Variants in KANK1 observed in about 807,000 individuals in gnomAD.
KANK1 encodes the protein KN motif and ankyrin repeat domain-containing protein 1.
In KANK1, 109 loss-of-function variants were observed where a neutral mutation model predicts 106.2. The observed-to-expected ratio is 1.03, with a 90% CI of 0.88 to 1.20. The LOEUF (loss-of-function observed/expected upper bound fraction) is 1.20, where lower values mean the gene tolerates loss of function less well. Ranked by LOEUF, KANK1 falls within the 50% of genes most tolerant of loss-of-function variation. KANK1 has a pLI of 0.00. For missense variants in KANK1, 2,399 were observed against 1,710.7 expected, an observed-to-expected ratio of 1.40 and a Z score of -7.10; for synonymous variants, 873 against 652.2, an observed-to-expected ratio of 1.34 and a Z score of -5.16.
intron 3 of KANK1, among the ~76,000 whole-genome samples, chr9:473,890 G>A (rs1036230776): frequency 1.3e-5 from 2 of 152,142 alleles, no homozygotes; most frequent in African/African-American, 4.8e-5. Flanking sequence ...AGTAGAGACA[G>A]GGTTTCACCA....
At chr9:487,439 AG>A (rs2058311685) in intron 3 of KANK1, among the ~76,000 whole-genome samples, 1 of 152,204 alleles carries the variant, frequency 6.6e-6, no homozygotes, top group Non-Finnish European at 1.5e-5. Flanking sequence ...GATGTTTGGT[AG>A]GTTAGATGTA....
chr9:590,917 C>G (rs1282112840), intron 1 of KANK1, among the ~76,000 whole-genome samples: 1 of 151,734 alleles, frequency 6.6e-6, no homozygotes, highest in Non-Finnish European at 1.5e-5. Flanking sequence ...TACACATTGC[C>G]TGGAAGACTG....
chr9:712,145 A>G lies in KANK1; in HGVS notation c.1379A>G (p.Gln460Arg), dbSNP rs1170334406. Residue 460 changes from glutamine (Q) to arginine (R), a missense_variant, in exon 3 of 12, where the codon CAG (glutamine) becomes CGG (arginine). Coordinates refer to ENST00000382297, the MANE Select transcript of KANK1 (RefSeq NM_015158.5). ...GACAAAGAAATTGAGCTGCAACAGC[A>G]GACCATAGAATCCTTGAAGGAAAAG... is the stretch of plus-strand genomic sequence containing the variant. ...EADKEIELQQ[Q>R]TIESLKEKIY... 1 of 1,614,028 alleles carries G rather than the reference A, an allele frequency of 6.2e-7. No individual in the cohort carries two copies. Among genetic ancestry groups the G allele is most frequent in the South Asian group, 1.1e-5 (1 of 91,092 alleles).
rs1410945064 is a variant in KANK1, at chr9:639,509, G to T, written c.-83-37381G>T. Among the ~76,000 whole-genome samples, 3 of 151,886 alleles carry T rather than the reference G, an allele frequency of 2.0e-5. No homozygotes were observed. In the East Asian group the frequency reaches 5.8e-4, roughly 29 times the overall value. On this transcript the variant is annotated intron_variant, in intron 1 of 11. Coordinates refer to ENST00000382297, the MANE Select transcript of KANK1 (RefSeq NM_015158.5). ...TTTTTGTATTCTTAGTAGAGACAGG[G>T]TTTCACCATGTTGGCCAGGCTGGTC...
chr9:487,536 T>C (rs2058313340), intron 3 of KANK1, among the ~76,000 whole-genome samples: 1 of 152,160 alleles, frequency 6.6e-6, no homozygotes, highest in South Asian at 2.1e-4. Flanking sequence ...TATCAGTACC[T>C]CAGATATATT....
chr9:567,606 A>G (rs1463951965), intron 1 of KANK1, among the ~76,000 whole-genome samples: 1 of 152,226 alleles, frequency 6.6e-6, no homozygotes, highest in Non-Finnish European at 1.5e-5. Context: ...GAGCCAGCAA[A>G]GAGAACTTTT....
chr9:650,022 G>A (rs764991319), intron 1 of KANK1, among the ~76,000 whole-genome samples: 4 of 152,262 alleles, frequency 2.6e-5, no homozygotes, highest in African/African-American at 4.8e-5. Context: ...GTGCTACTTC[G>A]TAAGACTGCT....
At chr9:565,351 C>A (rs1275457728) in intron 1 of KANK1, among the ~76,000 whole-genome samples, 1 of 152,184 alleles carries the variant, frequency 6.6e-6, no homozygotes, top group Non-Finnish European at 1.5e-5. Context: ...CCCATTCTAC[C>A]TTGTGCAGAC....
intron 1 of KANK1, among the ~76,000 whole-genome samples, chr9:589,598 A>G (rs572694967): frequency 6.6e-6 from 1 of 152,182 alleles, no homozygotes; most frequent in African/African-American, 2.4e-5. Context: ...TGAATAGATC[A>G]GGGTGGAGGG....
At chr9:701,068 C>G (rs764518642) in intron 2 of KANK1, among the ~76,000 whole-genome samples, 1 of 152,062 alleles carries the variant, frequency 6.6e-6, no homozygotes, top group East Asian at 1.9e-4. Flanking sequence ...ATCACTTGAG[C>G]ACTTGAGCGT....
At chr9:666,088 A>G (rs1844493524) in intron 1 of KANK1, among the ~76,000 whole-genome samples, 1 of 151,200 alleles carries the variant, frequency 6.6e-6, no homozygotes, top group African/African-American at 2.4e-5. Context: ...GGCTGAAGTC[A>G]GAGGATCGCT....
chr9:515,511 AAGAAC>A (rs1213475179), intron 1 of KANK1, among the ~76,000 whole-genome samples: 3 of 151,814 alleles, frequency 2.0e-5, no homozygotes, highest in Admixed American at 2.0e-4. Context: ...TAAAAATTTA[AAGAAC>A]AGAAGTTTAT....
At chr9:542,823 A>G (rs1285382030) in intron 1 of KANK1, among the ~76,000 whole-genome samples, 1 of 144,554 alleles carries the variant, frequency 6.9e-6, no homozygotes, top group Non-Finnish European at 1.5e-5. Flanking sequence ...TCTCACTTAT[A>G]TGTGGTATCC....
intron 4 of KANK1, 189 bp downstream of exon 4, chr9:730,437 A>G: frequency 1.6e-6 from 1 of 627,462 alleles, no homozygotes; most frequent in Middle Eastern, 4.5e-4. Flanking sequence ...CACACCTGTG[A>G]TCCCAGCACT....
intron 1 of KANK1, among the ~76,000 whole-genome samples, chr9:514,163 CCTCT>C (rs1456047481): frequency 1.3e-5 from 1 of 77,568 alleles, no homozygotes; most frequent in Non-Finnish European, 2.2e-5. Flanking sequence ...TCCCTCCCTT[CCTCT>C]CTCCCTCCCT....
At chr9:645,126 C>CAAAAAA (rs56391632) in intron 1 of KANK1, among the ~76,000 whole-genome samples, 11 of 71,076 alleles carry the variant, frequency 1.5e-4, no homozygotes, top group Admixed American at 3.9e-4. Context: ...TCCATCTCTA[C>CAAAAAA]AAAAAAAAAA....
intron 10 of KANK1, among the ~76,000 whole-genome samples, chr9:744,149 C>G (rs187331017): frequency 1.8e-3 from 280 of 151,964 alleles, no homozygotes; most frequent in African/African-American, 6.3e-3. Flanking sequence ...TGCAGAGTCT[C>G]TAAACACACA....
At chr9:620,680 C>T (rs950555502) in intron 1 of KANK1, among the ~76,000 whole-genome samples, 3 of 152,120 alleles carry the variant, frequency 2.0e-5, no homozygotes, top group African/African-American at 7.2e-5. Context: ...GCTGGGATTA[C>T]AGGCGTGAGC....
intron 1 of KANK1, among the ~76,000 whole-genome samples, chr9:632,846 C>T (rs998578633): frequency 2.6e-5 from 4 of 152,064 alleles, no homozygotes; most frequent in African/African-American, 9.7e-5. Context: ...TGCGCCACCG[C>T]ACCCGGCTAA....
Sources: gnomAD v4.1 joint callset for allele counts (sites outside exome capture counted in the v4.1 genomes callset) on GRCh38, gnomAD v4.1.1 for gene constraint, MANE v1.5 for transcripts, NCBI Gene and HGNC (gene_info 2026-07-23, HGNC 2026-07-21) for gene names.